GRIA3: variants seen among roughly 807,000 people sequenced by gnomAD.
GRIA3 encodes the protein glutamate ionotropic receptor AMPA type subunit 3, also known as glutamate receptor 3.
Under a neutral mutation model 63.0 loss-of-function variants are expected in GRIA3, and 3 were observed. The ratio of observed to expected loss-of-function variants is 0.05; its 90% CI spans 0.02 to 0.12. The LOEUF is 0.12. Among genes scored for constraint, GRIA3 ranks in the 10% least tolerant of loss-of-function variants. The probability of loss-of-function intolerance (pLI) is 1.00; values close to 1 mark genes in which losing one functional copy is unlikely to be tolerated. For missense variants in GRIA3, 347 were observed against 700.9 expected (o/e 0.50, Z 5.70); for synonymous variants, 274 against 257.9 (o/e 1.06, Z -0.60).
chrX:123,466,068 G>A (rs934743427), intron 13 of GRIA3, among the ~76,000 whole-genome samples: 3 of 111,733 alleles, frequency 2.7e-5, no homozygotes, highest in Middle Eastern at 4.6e-3. Flanking sequence ...CCATGATGTG[G>A]GTTTCAATGC....
chrX:123,464,745 T>C, intron 12 of GRIA3, 120 bp from the exon 13 acceptor site: 1 of 607,457 alleles, frequency 1.6e-6, no homozygotes, highest in Non-Finnish European at 2.7e-6. Context: ...GCCTACTAGG[T>C]TGCAGTGTAA....
At chrX:123,446,159 T>C (rs2045702014) in intron 12 of GRIA3, among the ~76,000 whole-genome samples, 1 of 112,306 alleles carries the variant, frequency 8.9e-6, no homozygotes, top group African/African-American at 3.2e-5. Context: ...GGGCTAAATA[T>C]TCAGCATGTG....
At chrX:123,314,376 T>C (rs1380229723) in intron 3 of GRIA3, among the ~76,000 whole-genome samples, 1 of 112,408 alleles carries the variant, frequency 8.9e-6, no homozygotes, top group Non-Finnish European at 1.9e-5. Context: ...AGAACAATTA[T>C]TTAGATACCA....
intron 4 of GRIA3, among the ~76,000 whole-genome samples, chrX:123,348,546 C>T (rs1344236411): frequency 1.8e-5 from 2 of 111,480 alleles, no homozygotes; most frequent in African/African-American, 6.5e-5. Flanking sequence ...ATGAAAAGTC[C>T]TCTAGATAAG....
intron 3 of GRIA3, among the ~76,000 whole-genome samples, chrX:123,323,513 A>C (rs974597680): frequency 1.8e-5 from 2 of 112,285 alleles, no homozygotes; most frequent in Non-Finnish European, 3.8e-5. Flanking sequence ...ATGAACTTAA[A>C]TCTACTCATT....
At chrX:123,237,284 T>C (rs1483601844) in intron 2 of GRIA3, among the ~76,000 whole-genome samples, 1 of 111,839 alleles carries the variant, frequency 8.9e-6, no homozygotes, top group Non-Finnish European at 1.9e-5. Flanking sequence ...AGATCCTAAG[T>C]CCTAAATATA....
chrX:123,398,696 A>C lies in GRIA3; in HGVS notation c.973A>C (p.Arg325=). The change falls in exon 7 of 16, where the codon AGG becomes CGG. Residue 325 remains arginine, a synonymous_variant. Transcript: ENST00000620443. Reference sequence around the variant, plus strand: ...CATAGCAGAAGCTTTCCGCTACCTGAGGAGGCAGCGAGTAGATGTGTCCCG... The same window carrying C: ...CATAGCAGAAGCTTTCCGCTACCTGCGGAGGCAGCGAGTAGATGTGTCCCG... ...LVIAEAFRYL[R]RQRVDVSRRG... is the part of the protein sequence containing the mutation. 8.3e-7 allele frequency: 1 copy of C among 1,204,425 alleles called. No individual in the cohort carries two copies. The highest frequency in any genetic ancestry group is 1.1e-6 in the Non-Finnish European group (1 of 888,885).
At chrX:123,383,943 A>G (rs1423435698) in intron 5 of GRIA3, among the ~76,000 whole-genome samples, 1 of 111,400 alleles carries the variant, frequency 9.0e-6, no homozygotes, top group African/African-American at 3.3e-5. Flanking sequence ...CCCACTTATA[A>G]GTGAAAACAT....
At chrX:123,449,103 A>C (rs1221036009) in intron 12 of GRIA3, among the ~76,000 whole-genome samples, 1 of 111,885 alleles carries the variant, frequency 8.9e-6, no homozygotes, top group African/African-American at 3.2e-5. Flanking sequence ...GTGTACACCA[A>C]AAGAAAACTG....
At chrX:123,397,745 C>T (rs773747932) in intron 6 of GRIA3, among the ~76,000 whole-genome samples, 10 of 112,105 alleles carry the variant, frequency 8.9e-5, no homozygotes, top group Non-Finnish European at 1.3e-4. Flanking sequence ...CCCCCTGGGA[C>T]ATTTTGCTAC....
intron 12 of GRIA3, among the ~76,000 whole-genome samples, chrX:123,441,805 T>C (rs1004081425): frequency 3.4e-5 from 3 of 87,963 alleles, no homozygotes; most frequent in African/African-American, 1.3e-4. Context: ...ATGTTTGTAT[T>C]CGCCACCTTC....
intron 2 of GRIA3, among the ~76,000 whole-genome samples, chrX:123,200,773 T>G (rs1276553856): frequency 9.0e-6 from 1 of 111,415 alleles, no homozygotes; most frequent in Non-Finnish European, 1.9e-5. Context: ...TAATAAATAC[T>G]TGCTGACTTT....
intron 5 of GRIA3, among the ~76,000 whole-genome samples, chrX:123,378,225 G>A (rs1276543535): frequency 1.8e-5 from 2 of 111,405 alleles, no homozygotes; most frequent in African/African-American, 6.5e-5. Flanking sequence ...AATTCAGATG[G>A]AAGGTGGTCC....
chrX:123,417,381 C>CTTTTTTTTTT, intron 10 of GRIA3, 21 bp from the exon 11 acceptor site: 1 of 1,168,574 alleles, frequency 8.6e-7, no homozygotes, highest in Non-Finnish European at 1.2e-6. Flanking sequence ...TATATGTTTT[C>CTTTTTTTTTT]TTTTTTTTCT....
At chrX:123,315,127 G>C (rs770223762) in intron 3 of GRIA3, among the ~76,000 whole-genome samples, 6 of 111,692 alleles carry the variant, frequency 5.4e-5, no homozygotes, top group Non-Finnish European at 7.5e-5. Flanking sequence ...AATTAGCCAA[G>C]TACTCATCCT....
At chrX:123,397,671 G>T (rs1391518598) in intron 6 of GRIA3, among the ~76,000 whole-genome samples, 1 of 112,107 alleles carries the variant, frequency 8.9e-6, no homozygotes, top group African/African-American at 3.2e-5. Context: ...ATTGATAGTT[G>T]TAGAGGCAAT....
chrX:123,463,161 A>C (rs1569440645), intron 12 of GRIA3, among the ~76,000 whole-genome samples: 1 of 111,557 alleles, frequency 9.0e-6, no homozygotes, highest in East Asian at 2.8e-4. Context: ...TATTGACTCT[A>C]TTATATTCTT....
chrX:123,344,227 T>C (rs144600307), intron 4 of GRIA3, among the ~76,000 whole-genome samples: 2,960 of 112,244 alleles, frequency 0.026, 118 homozygotes, highest in African/African-American at 0.091. Flanking sequence ...GTGTTACATA[T>C]GTGACATAAG....
At chrX:123,366,947 T>A (rs2147358031) in intron 5 of GRIA3, among the ~76,000 whole-genome samples, 1 of 112,033 alleles carries the variant, frequency 8.9e-6, no homozygotes, top group South Asian at 3.7e-4. Flanking sequence ...ACAAGTTCAT[T>A]TTCTGAGGTA....
Sources: gnomAD v4.1 joint callset for allele counts (sites outside exome capture counted in the v4.1 genomes callset) on GRCh38, gnomAD v4.1.1 for gene constraint, MANE v1.5 for transcripts, NCBI Gene and HGNC (gene_info 2026-07-23, HGNC 2026-07-21) for gene names.